The following COG8 variants were observed in gnomAD, a reference collection of about 807,000 sequenced individuals.
COG8 encodes component of oligomeric golgi complex 8.
In COG8, 45 loss-of-function variants were observed where a neutral mutation model predicts 46.5. The ratio of observed to expected loss-of-function variants is 0.97; its 90% CI spans 0.76 to 1.24. The LOEUF (loss-of-function observed/expected upper bound fraction) is 1.24. COG8 is among the 50% of genes most tolerant of loss of function. The probability of loss-of-function intolerance (pLI) is 0.00; values close to 1 mark genes in which losing one functional copy is unlikely to be tolerated. For synonymous variants in COG8, 407 were observed against 347.8 expected (o/e 1.17, Z -1.90); for missense variants, 793 against 820.8 (o/e 0.97, Z 0.41).
chr16:69,330,972 G>T lies in COG8; in HGVS notation c.1706C>A (p.Ala569Glu). 1 of 1,595,846 alleles carries T rather than the reference G, an allele frequency of 6.3e-7. No homozygotes were observed. Among genetic ancestry groups the T allele is most frequent in the South Asian group, 1.1e-5 (1 of 88,744 alleles). Residue 569 changes from alanine to glutamate, a missense_variant, in exon 5 of 6, where the codon GCG becomes GAG. Ala to Glu is a moderately radical substitution (Grantham distance 107). Transcript: ENST00000306875. ...TGGAGCTGTGAGCTCGGGCCCCAGC[G>T]CCTGGTCATCCAGGGTGAAAAGCGT... The part of the protein sequence containing the change: ...RETLFTLDDQ[A>E]LGPELTAPAP...
intron 3 of COG8, among the ~76,000 whole-genome samples, chr16:69,333,951 AAAG>A (rs1309741133): frequency 6.6e-6 from 1 of 152,226 alleles, no homozygotes; most frequent in Non-Finnish European, 1.5e-5. Context: ...GAGGTACCTA[AAAG>A]AAGAGACTCA....
Position 69,334,814 on chromosome 16 carries a change from C to T in COG8, c.1120G>A (p.Val374Met). The T allele has an allele frequency of 6.2e-7, 1 of 1,614,202 alleles. No individual in the cohort carries two copies. Among genetic ancestry groups the T allele is most frequent in the Non-Finnish European group, 8.5e-7 (1 of 1,180,044 alleles). The change falls in exon 3 of 6, where the codon GTG becomes ATG. Residue 374 changes from valine (V) to methionine (M), a missense_variant. By Grantham distance (21) the Val-to-Met change is conservative. Coordinates refer to ENST00000306875, the MANE Select transcript of COG8 (RefSeq NM_032382.5). The part of the protein sequence containing the change: ...RGQLAPVFQR[V>M]AISTFQKAIQ... ...GCTTTCTGGAAAGTGCTGATGGCCA[C>T]CCGCTGGAAAACAGGAGCCAACTGA...
At chr16:69,330,564 G>A (rs1332756005) in intron 5 of COG8, 20 of 1,460,288 alleles carry the variant, frequency 1.4e-5, no homozygotes, top group Non-Finnish European at 1.4e-5. Context: ...CCCCACAGCC[G>A]GGCCATGGCG....
intron 2 of COG8, among the ~76,000 whole-genome samples, chr16:69,336,155 C>G (rs2012196059): frequency 6.6e-6 from 1 of 152,132 alleles, no homozygotes; most frequent in Non-Finnish European, 1.5e-5. Context: ...GATCACCCTA[C>G]CTAAAGAAAC....
chr16:69,329,314 T>A, intron 5 of COG8, 135 bp from the exon 6 acceptor site: 3 of 928,690 alleles, frequency 3.2e-6, no homozygotes, highest in Non-Finnish European at 1.5e-6. Flanking sequence ...AGACAGCAGC[T>A]CCTCTTCTAA....
Position 69,335,277 on chromosome 16 carries a change from G to A in COG8, c.657C>T (p.Asn219=). Residue 219 remains asparagine, a synonymous_variant, in exon 3 of 6, where the codon AAC becomes AAT. Coordinates refer to ENST00000306875, the MANE Select transcript of COG8 (RefSeq NM_032382.5). ...CACGGAGGCAGGCAGGAAGCTGGAT[G>A]TTGGTCCTCAGTTGCTGGATCAGCT... ...LSQLIQQLRT[N]IQLPACLRVI... 1 of 1,613,118 alleles carries A rather than the reference G, an allele frequency of 6.2e-7. No homozygotes were observed. The highest frequency in any genetic ancestry group is 1.7e-5 in the Admixed American group (1 of 59,932).
At position 69,335,355 on chromosome 16, in the gene COG8, A is replaced by G. The variant is rs2012151429; in HGVS notation, c.586-7T>C. The G allele has an allele frequency of 1.3e-6, 2 of 1,583,410 alleles. No homozygotes were observed. The highest frequency in any genetic ancestry group is 4.6e-5 in the East Asian group (2 of 43,694). On this transcript the variant is annotated splice_region_variant and splice_polypyrimidine_tract_variant and intron_variant, in intron 2 of 5. Coordinates refer to ENST00000306875, the MANE Select transcript of COG8 (RefSeq NM_032382.5). ...GCACTTCGTTCACGATGCCCTGACA[A>G]TACACAGAGAGAGTCACACTGCGCT...
chr16:69,330,386 G>A (rs2011705069), intron 5 of COG8: 5 of 1,479,198 alleles, frequency 3.4e-6, no homozygotes, highest in South Asian at 2.5e-5. Flanking sequence ...CGAGAACGGC[G>A]GTTCGGGAGG....
intron 4 of COG8, among the ~76,000 whole-genome samples, chr16:69,331,509 C>CTAT (rs1176113506): frequency 7.6e-6 from 1 of 131,340 alleles, no homozygotes; most frequent in East Asian, 2.2e-4. Flanking sequence ...CGAGCCATTA[C>CTAT]TATTTTTTTT....
Position 69,335,248 on chromosome 16 carries a change from A to G in COG8, c.686T>C (p.Ile229Thr), listed in dbSNP as rs1223623987. Residue 229 changes from isoleucine to threonine, a missense_variant, in exon 3 of 6, where the codon ATT becomes ACT. Ile to Thr is a moderately conservative substitution (Grantham distance 89, BLOSUM62 -1). Transcript: ENST00000306875. ...NIQLPACLRV[I>T]GYLRRMDVFT... ...GACGTCCATGCGCCGCAGGTAGCCAATGACACGGAGGCAGGCAGGAAGCTG... is the reference window on the plus strand; with the variant it reads ...GACGTCCATGCGCCGCAGGTAGCCAGTGACACGGAGGCAGGCAGGAAGCTG... 7 of 1,614,012 alleles carry G rather than the reference A, an allele frequency of 4.3e-6. No homozygotes were observed. In the South Asian group the frequency reaches 5.5e-5, roughly 13 times the overall value.
chr16:69,327,159 C>CTTTTT lies in COG8; in HGVS notation c.*2046_*2047insAAAAA, dbSNP rs1965617196. 7.7e-6 allele frequency: 1 copy of CTTTTT among 130,430 alleles called. No individual in the cohort carries two copies. The highest frequency in any genetic ancestry group is 3.0e-5 in the African/African-American group (1 of 33,218). 8.1% of individuals were successfully genotyped at this position (130,430 alleles called of 1,614,324 possible). A position where few individuals can be genotyped will look rare whatever the true frequency, so the allele number is the denominator to read the frequency against. On this transcript the variant is annotated 3_prime_UTR_variant, in exon 6 of 6. Coordinates refer to ENST00000306875, the MANE Select transcript of COG8 (RefSeq NM_032382.5). ...TTGCACCAGTATCTGGTTGGGATTCCCTTTTTTTTTTTTTTTTTTTTTTTT... is the reference window on the plus strand; with the variant it reads ...TTGCACCAGTATCTGGTTGGGATTCCTTTTTCTTTTTTTTTTTTTTTTTTTTTTTT...
chr16:69,336,734 T>C (rs1393127750), intron 1 of COG8, 22 bp from the exon 2 acceptor site: 3 of 1,606,520 alleles, frequency 1.9e-6, no homozygotes, highest in Non-Finnish European at 2.6e-6. Context: ...CAGAAGAATG[T>C]TGATCCTTCA....
chr16:69,335,036 G>C lies in COG8; in HGVS notation c.898C>G (p.Leu300Val). 1.2e-6 allele frequency: 2 copies of C among 1,614,204 alleles called. No individual in the cohort carries two copies. Among genetic ancestry groups the C allele is most frequent in the Non-Finnish European group, 1.7e-6 (2 of 1,180,040 alleles). The change falls in exon 3 of 6, where the codon CTG (leucine) becomes GTG (valine). Residue 300 changes from leucine (L) to valine (V), a missense_variant. Physicochemically the swap from Leu to Val is conservative, Grantham distance 32. Transcript: ENST00000306875. ...GTGTGCTCACCCATGGCAGGGGGCA[G>C]CAGTGGGTCCTCGTCTGAGAAGATG... ...RAIFSDEDPL[L>V]PPAMGEHTVN...
chr16:69,332,120 G>A (rs1048609711), intron 4 of COG8, among the ~76,000 whole-genome samples: 5 of 152,188 alleles, frequency 3.3e-5, no homozygotes, highest in Admixed American at 6.5e-5. Flanking sequence ...TTGGGAGGCC[G>A]AGGTGGGCGG....
At chr16:69,337,734 CTTT>C (rs879881954) in intron 1 of COG8, among the ~76,000 whole-genome samples, 49 of 142,646 alleles carry the variant, frequency 3.4e-4, no homozygotes, top group South Asian at 3.3e-3. Flanking sequence ...TCACAAAGGA[CTTT>C]TTTTTTTTTT....
In COG8 at chr16:69,331,051, C is replaced by T; in HGVS notation, c.1627G>A (p.Val543Met). 1 of 1,614,050 alleles carries T rather than the reference C, an allele frequency of 6.2e-7. No individual in the cohort carries two copies. The highest frequency in any genetic ancestry group is 8.5e-7 in the Non-Finnish European group (1 of 1,180,006). The change falls in exon 5 of 6, where the codon GTG becomes ATG. Residue 543 changes from valine to methionine, a missense_variant. Coordinates refer to ENST00000306875, the MANE Select transcript of COG8 (RefSeq NM_032382.5). ...GGCTCCTGAATGGCGCCGATGTTCA[C>T]ATGCCCTAGGTTACCGTACTTGGAG... Reference protein sequence around the residue: ...QLSKYGNLGHVNIGAIQEPLA... With the variant: ...QLSKYGNLGHMNIGAIQEPLA...
chr16:69,336,540 G>C lies in COG8; in HGVS notation c.550C>G (p.Leu184Val), dbSNP rs2012214613. 1 of 1,614,216 alleles carries C rather than the reference G, an allele frequency of 6.2e-7. No individual in the cohort carries two copies. The highest frequency in any genetic ancestry group is 8.5e-7 in the Non-Finnish European group (1 of 1,180,038). ...ALELAAYVRR[L>V]ERKYSSIPVI... ...GGGATGGAAGAGTATTTCCTCTCCAGTCGGCGTACGTAGGCTGCAAGCTCC... is the reference window on the plus strand; with the variant it reads ...GGGATGGAAGAGTATTTCCTCTCCACTCGGCGTACGTAGGCTGCAAGCTCC... The change falls in exon 2 of 6, where the codon CTG becomes GTG. Residue 184 changes from leucine (L) to valine (V), a missense_variant. Leu to Val is a conservative substitution (Grantham distance 32). Transcript: ENST00000306875.
chr16:69,331,115 A>C lies in COG8; in HGVS notation c.1583-20T>G, dbSNP rs374439014. The C allele has an allele frequency of 3.1e-6, 5 of 1,613,158 alleles. No individual in the cohort carries two copies. The highest frequency in any genetic ancestry group is 4.2e-6 in the Non-Finnish European group (5 of 1,179,784). On this transcript the variant is annotated intron_variant, in intron 4 of 5. Transcript: ENST00000306875. ...GAATGCCTAACCCAGACGTGGGGAA[A>C]GCAAAATGGAAAACAGTTACTAATA...
At chr16:69,330,456 CG>C in intron 5 of COG8, 1 of 1,472,334 alleles carries the variant, frequency 6.8e-7, no homozygotes, top group Non-Finnish European at 8.9e-7. Context: ...GGGCCCTCGA[CG>C]CCGTCCGGGG....
Sources: allele counts gnomAD v4.1 joint callset (sites outside exome capture counted in the v4.1 genomes callset), GRCh38; gene constraint gnomAD v4.1.1; transcripts MANE v1.5; gene names NCBI Gene and HGNC (gene_info 2026-07-23, HGNC 2026-07-21).